TENM3: variants seen among roughly 807,000 people sequenced by gnomAD.
TENM3 encodes teneurin transmembrane protein 3, also known as teneurin-3.
Under a neutral mutation model 255.1 loss-of-function variants are expected in TENM3, and 63 were observed. The observed-to-expected ratio is 0.25, with a 90% confidence interval of 0.20 to 0.30. The LOEUF (loss-of-function observed/expected upper bound fraction) is 0.30. TENM3 is among the 10% of genes least tolerant of loss of function. The pLI is 1.00. For missense variants in TENM3, 2,929 were observed against 3,461.1 expected (o/e 0.85, Z 3.86); for synonymous variants, 1,306 against 1,322.3 (o/e 0.99, Z 0.27).
At chr4:182,389,405 A>G (rs935946025) in intron 3 of TENM3, among the ~76,000 whole-genome samples, 5 of 150,570 alleles carry the variant, frequency 3.3e-5, no homozygotes, top group Non-Finnish European at 7.4e-5. Flanking sequence ...AAAAAGAACT[A>G]TGCCCAGGCC....
the TENM3 span, among the ~76,000 whole-genome samples, chr4:181,604,499 C>G: frequency 2.6e-5 from 4 of 152,132 alleles, no homozygotes; most frequent in Non-Finnish European, 5.9e-5. Flanking sequence ...ACTTAAGACA[C>G]ATTTTCCTGC....
chr4:182,702,446 T>A (rs1000639895), intron 12 of TENM3, among the ~76,000 whole-genome samples: 4 of 152,168 alleles, frequency 2.6e-5, no homozygotes, highest in Non-Finnish European at 5.9e-5. Context: ...TTTTCTTTTC[T>A]TCATAGTCAC....
the TENM3 span, among the ~76,000 whole-genome samples, chr4:181,523,992 T>C: frequency 6.6e-6 from 1 of 152,206 alleles, no homozygotes; most frequent in African/African-American, 2.4e-5. Flanking sequence ...AATTCTCTCT[T>C]CCTTTTTCCT....
chr4:182,021,853 T>C, the TENM3 span, among the ~76,000 whole-genome samples: 1 of 152,062 alleles, frequency 6.6e-6, no homozygotes, highest in Non-Finnish European at 1.5e-5. Context: ...ACCTTTCTAA[T>C]CAGAAAAAAA....
At chr4:182,611,377 T>C (rs1236558540) in intron 4 of TENM3, among the ~76,000 whole-genome samples, 1 of 151,454 alleles carries the variant, frequency 6.6e-6, no homozygotes, top group Non-Finnish European at 1.5e-5. Context: ...CATCTAATGA[T>C]GTATTTAATT....
At chr4:182,616,998 C>T (rs1039746904) in intron 4 of TENM3, among the ~76,000 whole-genome samples, 3 of 152,100 alleles carry the variant, frequency 2.0e-5, no homozygotes, top group African/African-American at 7.2e-5. Flanking sequence ...TTAGTTTGAA[C>T]ACATTGCTAA....
chr4:182,287,498 A>G (rs1426215976), intron 1 of TENM3, among the ~76,000 whole-genome samples: 1 of 152,184 alleles, frequency 6.6e-6, no homozygotes, highest in African/African-American at 2.4e-5. Context: ...GTCGGTTCAA[A>G]CATCACTTCC....
chr4:181,453,529 C>T, the TENM3 span, among the ~76,000 whole-genome samples: 274 of 151,394 alleles, frequency 1.8e-3, 2 homozygotes, highest in African/African-American at 6.3e-3. Context: ...AGTTGCCAAA[C>T]TCTTAACGAA....
chr4:182,703,542 A>G (rs893636205), intron 12 of TENM3, among the ~76,000 whole-genome samples: 3 of 152,214 alleles, frequency 2.0e-5, no homozygotes, highest in African/African-American at 7.2e-5. Flanking sequence ...GCATCAGCTC[A>G]TGAGAAAAGG....
chr4:181,681,757 T>TC, the TENM3 span, among the ~76,000 whole-genome samples: 1 of 151,850 alleles, frequency 6.6e-6, no homozygotes, highest in Non-Finnish European at 1.5e-5. Context: ...TATTTTTTTT[T>TC]CCCCAGTAGG....
At chr4:181,788,067 T>C in the TENM3 span, among the ~76,000 whole-genome samples, 1 of 152,168 alleles carries the variant, frequency 6.6e-6, no homozygotes, top group Non-Finnish European at 1.5e-5. Context: ...GTTTGTGTTT[T>C]TTCTGGGCCA....
chr4:182,091,490 A>G, the TENM3 span, among the ~76,000 whole-genome samples: 1 of 152,174 alleles, frequency 6.6e-6, no homozygotes, highest in Non-Finnish European at 1.5e-5. Flanking sequence ...TAAAGGAAAG[A>G]GGTGAGGTTT....
the TENM3 span, among the ~76,000 whole-genome samples, chr4:181,777,651 T>C: frequency 1.3e-5 from 2 of 152,160 alleles, no homozygotes; most frequent in African/African-American, 2.4e-5. Context: ...AGTAGGTCAA[T>C]GATTATTTGG....
the TENM3 span, among the ~76,000 whole-genome samples, chr4:182,108,089 C>T: frequency 6.6e-6 from 1 of 152,172 alleles, no homozygotes; most frequent in Non-Finnish European, 1.5e-5. Context: ...GCAATTGCTT[C>T]AGTCTCCACT....
chr4:182,364,318 G>C (rs1766249727), intron 3 of TENM3, among the ~76,000 whole-genome samples: 1 of 152,082 alleles, frequency 6.6e-6, no homozygotes, highest in Non-Finnish European at 1.5e-5. Flanking sequence ...ATAAACACTA[G>C]TTTCTCTTTT....
chr4:181,545,259 A>G, the TENM3 span, among the ~76,000 whole-genome samples: 1 of 149,940 alleles, frequency 6.7e-6, no homozygotes, highest in Admixed American at 6.6e-5. Flanking sequence ...CAAATATGTA[A>G]AACTTTAATG....
chr4:182,028,948 C>A, the TENM3 span, among the ~76,000 whole-genome samples: 1 of 152,130 alleles, frequency 6.6e-6, no homozygotes, highest in Non-Finnish European at 1.5e-5. Context: ...CTATAAATAT[C>A]TGTTAGGTCC....
intron 4 of TENM3, among the ~76,000 whole-genome samples, chr4:182,610,973 C>G (rs1285841484): frequency 6.6e-6 from 1 of 151,232 alleles, no homozygotes; most frequent in African/African-American, 2.4e-5. Context: ...TCTCAAACTC[C>G]TAGGCTCATG....
the TENM3 span, among the ~76,000 whole-genome samples, chr4:181,467,060 AGTGTGTGTGTGTGTGTGTGTGTGCGT>A: frequency 1.1e-5 from 1 of 88,872 alleles, no homozygotes; most frequent in Non-Finnish European, 2.1e-5. Context: ...ATATTTTACT[AGTGTGTGTGTGTGTGTGTGTGTGCGT>A]GTGTGTGTGT....
Sources: allele counts gnomAD v4.1 joint callset (sites outside exome capture counted in the v4.1 genomes callset), GRCh38; gene constraint gnomAD v4.1.1; transcripts MANE v1.5; gene names NCBI Gene and HGNC (gene_info 2026-07-23, HGNC 2026-07-21).